DPPA2: variants seen among roughly 807,000 people sequenced by gnomAD.
DPPA2 encodes developmental pluripotency associated 2.
A neutral mutation model predicts 36.2 loss-of-function variants in DPPA2; 26 were observed. That is an observed-to-expected ratio of 0.72 (90% CI 0.53 to 1.00). DPPA2 has a LOEUF of 1.00. Among genes scored for constraint, DPPA2 ranks in the 50% least tolerant of loss-of-function variants. DPPA2 has a pLI of 0.00. For missense variants in DPPA2, 361 were observed against 365.1 expected (o/e 0.99, Z 0.09); for synonymous variants, 113 against 123.2 (o/e 0.92, Z 0.55).
intron 6 of DPPA2, 126 bp from the exon 7 acceptor site, chr3:109,304,796 A>C: frequency 1.1e-6 from 1 of 900,206 alleles, no homozygotes. Flanking sequence ...GATGCATGAA[A>C]ACCTAGACCA....
chr3:109,301,271 G>A (rs544973016), intron 7 of DPPA2, among the ~76,000 whole-genome samples: 42 of 152,094 alleles, frequency 2.8e-4, no homozygotes, highest in African/African-American at 9.6e-4. Context: ...GAGCCACCAT[G>A]CCCGGCTTCC....
At chr3:109,297,729 T>C (rs1050030432) in intron 8 of DPPA2, among the ~76,000 whole-genome samples, 11 of 152,176 alleles carry the variant, frequency 7.2e-5, no homozygotes, top group African/African-American at 2.7e-4. Context: ...GGAGGAATCT[T>C]CACTACATAT....
chr3:109,315,824 T>A (rs1707776065), intron 1 of DPPA2, among the ~76,000 whole-genome samples: 1 of 152,082 alleles, frequency 6.6e-6, no homozygotes. Flanking sequence ...AGTCCAGAAG[T>A]TCGAGACCAG....
At chr3:109,314,485 G>C (rs1707757869) in intron 2 of DPPA2, 25 bp downstream of exon 2, 1 of 1,604,544 alleles carries the variant, frequency 6.2e-7, no homozygotes, top group African/African-American at 1.3e-5. Flanking sequence ...TGTGAGAAAA[G>C]TAATTCTATT....
At chr3:109,314,991 A>C (rs1707765757) in intron 1 of DPPA2, among the ~76,000 whole-genome samples, 1 of 152,176 alleles carries the variant, frequency 6.6e-6, no homozygotes, top group Non-Finnish European at 1.5e-5. Context: ...GCTTGAGCCC[A>C]GGAGGCGCAG....
intron 8 of DPPA2, among the ~76,000 whole-genome samples, chr3:109,298,060 A>G (rs1576814763): frequency 6.6e-6 from 1 of 151,908 alleles, no homozygotes; most frequent in Non-Finnish European, 1.5e-5. Flanking sequence ...GCAATGAGCT[A>G]TGACTGCACC....
intron 6 of DPPA2, among the ~76,000 whole-genome samples, chr3:109,304,898 G>A (rs1707526983): frequency 6.6e-6 from 1 of 152,212 alleles, no homozygotes; most frequent in Non-Finnish European, 1.5e-5. Flanking sequence ...TGTAATCCCA[G>A]CACTTTGGGA....
intron 6 of DPPA2, among the ~76,000 whole-genome samples, chr3:109,305,493 G>A (rs977240337): frequency 1.3e-5 from 2 of 151,282 alleles, no homozygotes; most frequent in Non-Finnish European, 3.0e-5. Context: ...GTAAGGAACA[G>A]GCTGGGCGTG....
At chr3:109,312,467 A>G in intron 3 of DPPA2, 78 bp downstream of exon 3, 1 of 1,515,768 alleles carries the variant, frequency 6.6e-7, no homozygotes, top group South Asian at 1.3e-5. Flanking sequence ...GTCAGAGGAT[A>G]GGAAAGACAA....
At chr3:109,301,114 G>T (rs1304373243) in intron 7 of DPPA2, among the ~76,000 whole-genome samples, 1 of 151,250 alleles carries the variant, frequency 6.6e-6, no homozygotes, top group Non-Finnish European at 1.5e-5. Flanking sequence ...CTCCCCAGTA[G>T]TTGGGACCAC....
At chr3:109,313,749 T>C (rs972118814) in intron 2 of DPPA2, among the ~76,000 whole-genome samples, 2 of 152,178 alleles carry the variant, frequency 1.3e-5, no homozygotes, top group Non-Finnish European at 2.9e-5. Context: ...CACACTCCTG[T>C]CTCCTATTTA....
At position 109,309,550 on chromosome 3, in the gene DPPA2, C is replaced by T. The variant is rs991228871; in HGVS notation, c.182-220G>A. ...AAAAAATACAAAAAACTTAGCCGGG[C>T]GTGCTGGCGGGCGCCTGTAGTCCCA... On this transcript the variant is annotated intron_variant, in intron 3 of 8. Transcript: ENST00000478945. Among the ~76,000 whole-genome samples the T allele has an allele frequency of 7.9e-5, 12 of 151,236 alleles. 1 individual carries two copies. Among genetic ancestry groups the T allele is most frequent in the Admixed American group, 7.9e-4 (12 of 15,160 alleles).
At position 109,308,214 on chromosome 3, in the gene DPPA2, A is replaced by C. The variant is rs375845279; in HGVS notation, c.476T>G (p.Leu159Arg). The C allele has an allele frequency of 3.2e-5, 51 of 1,614,066 alleles. No homozygotes were observed. Among genetic ancestry groups the C allele is most frequent in the Non-Finnish European group, 3.9e-5 (46 of 1,180,042 alleles). ...CTCATTCATCTCATAACTTCTCTGA[A>C]GCCTTGCTCTCTTGGTCACTGCCTT... ...KRKAVTKRAR[L>R]QRSYEMNERA... Residue 159 changes from leucine (L) to arginine (R), a missense_variant, in exon 6 of 9, where the codon CTT becomes CGT. Physicochemically the swap from Leu to Arg is moderately radical, Grantham distance 102 (BLOSUM62 -2). Transcript: ENST00000478945.
intron 6 of DPPA2, among the ~76,000 whole-genome samples, chr3:109,304,926 C>A (rs1317853612): frequency 6.6e-6 from 1 of 152,046 alleles, no homozygotes; most frequent in Non-Finnish European, 1.5e-5. Context: ...GCGGGAGGAT[C>A]ATCTAAGGTG....
At position 109,315,266 on chromosome 3, in the gene DPPA2, A is replaced by G. The variant is rs570188070; in HGVS notation, c.-13-711T>C. 1.8e-3 allele frequency among the ~76,000 whole-genome samples: 269 copies of G among 152,330 alleles called. 1 individual carries two copies. Among genetic ancestry groups the G allele is most frequent in the African/African-American group, 6.1e-3 (255 of 41,590 alleles). Reference sequence around the variant, plus strand: ...TACGCAGGTATTTTATACCTGATTTATGCACGGGGGTATGTTACTCACTGA... The same window carrying G: ...TACGCAGGTATTTTATACCTGATTTGTGCACGGGGGTATGTTACTCACTGA... On this transcript the variant is annotated intron_variant, in intron 1 of 8. Transcript: ENST00000478945.
At chr3:109,308,459 T>A (rs915166916) in intron 5 of DPPA2, among the ~76,000 whole-genome samples, 166 bp from the exon 6 acceptor site, 1 of 151,988 alleles carries the variant, frequency 6.6e-6, no homozygotes, top group Admixed American at 6.6e-5. Context: ...GCCTCCCAGG[T>A]TCAAGCTATT....
At position 109,310,994 on chromosome 3, in the gene DPPA2, G is replaced by T. The variant is rs113172771; in HGVS notation, c.181+1551C>A. 3.5e-3 allele frequency among the ~76,000 whole-genome samples: 536 copies of T among 152,030 alleles called. 4 individuals carry two copies. The highest frequency in any genetic ancestry group is 0.012 in the African/African-American group (498 of 41,466). ...TGTTTGTATTTTTTGTAGAGACAGG[G>T]TTTCTCCATGTTGGCCAGGTTGGTC... On this transcript the variant is annotated intron_variant, in intron 3 of 8. Coordinates refer to ENST00000478945, the MANE Select transcript of DPPA2 (RefSeq NM_138815.4).
chr3:109,304,137 G>A (rs1707506479), intron 7 of DPPA2, among the ~76,000 whole-genome samples: 1 of 152,052 alleles, frequency 6.6e-6, no homozygotes, highest in African/African-American at 2.4e-5. Context: ...GGGCGTGGTG[G>A]TGCATGCCTG....
chr3:109,310,555 G>T (rs1707687862), intron 3 of DPPA2, among the ~76,000 whole-genome samples: 1 of 151,474 alleles, frequency 6.6e-6, no homozygotes, highest in Non-Finnish European at 1.5e-5. Flanking sequence ...GCCCAGGCTG[G>T]AGTGCAGTGG....
Sources: gnomAD v4.1 joint callset for allele counts (sites outside exome capture counted in the v4.1 genomes callset) on GRCh38, gnomAD v4.1.1 for gene constraint, MANE v1.5 for transcripts, NCBI Gene and HGNC (gene_info 2026-07-23, HGNC 2026-07-21) for gene names.